Variants in MYO18B observed in about 807,000 individuals in gnomAD.
The protein encoded by MYO18B is unconventional myosin-XVIIIb.
In MYO18B, 204 loss-of-function variants were observed where a neutral mutation model predicts 273.0. That is an observed-to-expected ratio of 0.75 (90% CI 0.67 to 0.84). The LOEUF (loss-of-function observed/expected upper bound fraction) is 0.84. Among genes scored for constraint, MYO18B ranks in the 40% least tolerant of loss-of-function variants. MYO18B has a pLI of 0.00. For synonymous variants in MYO18B, 1,330 were observed against 1,305.7 expected (o/e 1.02, Z -0.40); for missense variants, 3,212 against 3,287.6 (o/e 0.98, Z 0.56).
intron 42 of MYO18B, among the ~76,000 whole-genome samples, chr22:26,014,134 A>T (rs1056631758): frequency 4.6e-5 from 7 of 152,118 alleles, no homozygotes; most frequent in Non-Finnish European, 8.8e-5. Context: ...TTTACCTTTT[A>T]TATCTAGATA....
At position 25,779,956 on chromosome 22, in the gene MYO18B, C is replaced by G. The variant is rs994812496; in HGVS notation, c.2069-100C>G. On this transcript the variant is annotated intron_variant, in intron 8 of 43. Coordinates refer to ENST00000335473, the MANE Select transcript of MYO18B (RefSeq NM_032608.7). ...CCGGGGGCTGAGGCCAGGATGGGGA[C>G]TGGCCCAAGCAGGGGCCGTGGAAAA... 5 of 1,421,552 alleles carry G rather than the reference C, an allele frequency of 3.5e-6. No homozygotes were observed. In the Admixed American group the frequency reaches 1.2e-4, roughly 33 times the overall value. 88.1% of individuals were successfully genotyped at this position (1,421,552 alleles called of 1,614,324 possible).
At chr22:26,022,595 C>T (rs1254796625) in intron 42 of MYO18B, among the ~76,000 whole-genome samples, 1 of 152,162 alleles carries the variant, frequency 6.6e-6, no homozygotes, top group East Asian at 1.9e-4. Context: ...CCCTCTCTTC[C>T]TTGTCTCTCC....
chr22:26,021,909 T>A (rs74337878), intron 42 of MYO18B, among the ~76,000 whole-genome samples: 2,656 of 152,302 alleles, frequency 0.017, 84 homozygotes, highest in African/African-American at 0.061. Flanking sequence ...GTAGCTGTTG[T>A]GACCAATGAC....
chr22:25,826,618 G>C (rs1405291040), intron 14 of MYO18B, 119 bp downstream of exon 14: 1 of 853,450 alleles, frequency 1.2e-6, no homozygotes, highest in African/African-American at 1.7e-5. Context: ...TTCTAAGGTG[G>C]ACAGTGCTGG....
At chr22:25,943,711 C>CTTTTTTTTTTTTTTTTTTT (rs59256754) in intron 34 of MYO18B, among the ~76,000 whole-genome samples, 1 of 79,576 alleles carries the variant, frequency 1.3e-5, no homozygotes, top group Admixed American at 1.4e-4. Context: ...TCTTTCTTTC[C>CTTTTTTTTTTTTTTTTTTT]TTTTTTTTTT....
At chr22:26,012,734 G>T (rs1601830005) in intron 42 of MYO18B, among the ~76,000 whole-genome samples, 1 of 152,150 alleles carries the variant, frequency 6.6e-6, no homozygotes, top group Admixed American at 6.5e-5. Context: ...TAAGCTGCAA[G>T]TTTGTAGAAA....
the MYO18B span, among the ~76,000 whole-genome samples, chr22:26,060,401 A>G: frequency 0.6 from 90,881 of 152,066 alleles, 28,478 homozygotes; most frequent in East Asian, 0.8. Flanking sequence ...TTGAAGCTGG[A>G]TTCTGCTGGT....
chr22:25,780,588 C>A (rs2087100047), intron 9 of MYO18B, among the ~76,000 whole-genome samples: 1 of 53,592 alleles, frequency 1.9e-5, no homozygotes. Flanking sequence ...GAAACTCCAT[C>A]TCAAAAAAAA....
the MYO18B span, among the ~76,000 whole-genome samples, chr22:26,039,533 C>G: frequency 6.6e-6 from 1 of 152,140 alleles, no homozygotes; most frequent in East Asian, 1.9e-4. Flanking sequence ...GTCAGCCTTC[C>G]TTGACTTCCA....
At chr22:26,024,319 G>T (rs1208890606) in intron 42 of MYO18B, among the ~76,000 whole-genome samples, 1 of 152,154 alleles carries the variant, frequency 6.6e-6, no homozygotes, top group Non-Finnish European at 1.5e-5. Flanking sequence ...TGTCCCAGCT[G>T]CCCCAGGAGG....
chr22:25,999,534 TCCCCCTCTTCCCCCTCCCCCTCTTC>T (rs1933697721), intron 40 of MYO18B, among the ~76,000 whole-genome samples: 1 of 12,300 alleles, frequency 8.1e-5, no homozygotes, highest in Non-Finnish European at 1.7e-4. Flanking sequence ...CTCCCCCTCC[TCCCCCTCTTCCCCCTCCCCCTCTTC>T]CCCCTCCTCC....
intron 12 of MYO18B, among the ~76,000 whole-genome samples, chr22:25,818,517 A>G (rs1047274333): frequency 2.0e-5 from 3 of 152,196 alleles, no homozygotes; most frequent in Non-Finnish European, 1.5e-5. Context: ...GAAAGCCTTT[A>G]GCTCAGTGCC....
intron 21 of MYO18B, among the ~76,000 whole-genome samples, chr22:25,854,148 C>T (rs2090502167): frequency 6.6e-6 from 1 of 152,120 alleles, no homozygotes; most frequent in Non-Finnish European, 1.5e-5. Flanking sequence ...GTGAAGTCCC[C>T]TGTGGGTCTA....
intron 17 of MYO18B, 95 bp downstream of exon 17, chr22:25,835,538 C>T (rs1047047713): frequency 2.0e-6 from 3 of 1,481,384 alleles, no homozygotes; most frequent in East Asian, 2.3e-5. Context: ...ACAAGGCCTG[C>T]ACAGAGGCTC....
intron 7 of MYO18B, among the ~76,000 whole-genome samples, chr22:25,776,248 A>G (rs1476855832): frequency 6.6e-6 from 1 of 152,164 alleles, no homozygotes; most frequent in Non-Finnish European, 1.5e-5. Context: ...TCATTGATGC[A>G]CTACTGTGCT....
At chr22:25,929,803 G>A (rs2092472328) in intron 34 of MYO18B, among the ~76,000 whole-genome samples, 1 of 152,028 alleles carries the variant, frequency 6.6e-6, no homozygotes, top group Admixed American at 6.6e-5. Context: ...TCTAGTACTT[G>A]GATTTCTCTC....
chr22:25,979,501 A>T (rs576124500), intron 39 of MYO18B, among the ~76,000 whole-genome samples: 1 of 152,286 alleles, frequency 6.6e-6, no homozygotes, highest in East Asian at 1.9e-4. Context: ...AGTTTACCCC[A>T]GGTCAGGATG....
intron 42 of MYO18B, among the ~76,000 whole-genome samples, chr22:26,015,013 C>CA (rs1569296342): frequency 6.6e-6 from 1 of 152,088 alleles, no homozygotes; most frequent in East Asian, 1.9e-4. Context: ...GTTGTCTCTT[C>CA]ACCCTGTTGA....
intron 3 of MYO18B, among the ~76,000 whole-genome samples, chr22:25,767,346 G>A (rs1238500857): frequency 6.6e-6 from 1 of 152,146 alleles, no homozygotes; most frequent in Non-Finnish European, 1.5e-5. Flanking sequence ...GGACCCCAGG[G>A]GCAGAAACCA....
Sources: gnomAD v4.1 joint callset for allele counts (sites outside exome capture counted in the v4.1 genomes callset) on GRCh38, gnomAD v4.1.1 for gene constraint, MANE v1.5 for transcripts, NCBI Gene and HGNC (gene_info 2026-07-23, HGNC 2026-07-21) for gene names.